The following KNL1 variants were observed in gnomAD, a reference collection of about 807,000 sequenced individuals.
KNL1 encodes outer kinetochore KNL1 complex subunit KNL1.
A neutral mutation model predicts 201.3 loss-of-function variants in KNL1; 66 were observed. The ratio of observed to expected loss-of-function variants is 0.33; its 90% confidence interval spans 0.27 to 0.40. KNL1 has a LOEUF of 0.40. KNL1 is among the 10% of genes least tolerant of loss of function. KNL1 has a pLI of 1.00. For missense variants in KNL1, 2,815 were observed against 2,690.5 expected, an observed-to-expected ratio of 1.05 and a Z score of -1.02; for synonymous variants, 895 against 899.2, an observed-to-expected ratio of 1.00 and a Z score of 0.08.
Position 40,634,457 on chromosome 15 carries a change from A to G in KNL1, c.5682+5086A>G, listed in dbSNP as rs1892999799. 3.3e-5 allele frequency among the ~76,000 whole-genome samples: 5 copies of G among 152,306 alleles called. No individual in the cohort carries two copies. The South Asian group carries it at 1.0e-3, about 32-fold the overall frequency. ...TTGTATACTTAAATGGATGGATTGC[A>G]TTGTGTGTGGATTATATCTCCATAA... On this transcript the variant is annotated intron_variant, in intron 13 of 25. Coordinates refer to ENST00000399668, the MANE Select transcript of KNL1 (RefSeq NM_144508.5).
rs867948942 is a variant in KNL1, at chr15:40,657,047, C to G, written c.6490C>G (p.Gln2164Glu). The part of the protein sequence containing the change: ...VNFQSLLDED[Q>E]APPSSLLVHK... ...TTTTTTTTTTCCTTCCCCAGAGGAT[C>G]AAGCTCCTCCTTCCTCCCTTTTAGT... Residue 2164 changes from glutamine (Q) to glutamate (E), a missense_variant, in exon 23 of 26, where the codon CAA becomes GAA. This residue lies in a region of KNL1 where 334 missense variants were observed against 362.6 expected (regional missense o/e 0.92). Transcript: ENST00000399668. 6.5e-7 allele frequency: 1 copy of G among 1,538,412 alleles called. No homozygotes were observed. Among genetic ancestry groups the G allele is most frequent in the Non-Finnish European group, 8.8e-7 (1 of 1,138,076 alleles).
chr15:40,636,338 T>A (rs1893056035), intron 13 of KNL1, among the ~76,000 whole-genome samples: 1 of 152,256 alleles, frequency 6.6e-6, no homozygotes, highest in South Asian at 2.1e-4. Context: ...TTGCTGTGCA[T>A]GAGCCTAATA....
rs1893945566 is a variant in KNL1, at chr15:40,662,725, CA to C, written c.*541del. ...CTGTAATACCAGCAGTTTGGGAGGC[CA>C]AAATGGGTGAATAGCCTGAGTCCAG... On this transcript the variant is annotated 3_prime_UTR_variant, in exon 26 of 26. Coordinates refer to ENST00000399668, the MANE Select transcript of KNL1 (RefSeq NM_144508.5). 1.7e-5 allele frequency: 3 copies of C among 180,672 alleles called. No homozygotes were observed. The highest frequency in any genetic ancestry group is 2.4e-5 in the African/African-American group (1 of 42,346). The allele number at this position is 180,672 out of a possible 1,614,324, so 11.2% of individuals were successfully genotyped here.
chr15:40,626,068 T>A (rs965269550), intron 10 of KNL1: 1 of 153,670 alleles, frequency 6.5e-6, no homozygotes, highest in Non-Finnish European at 1.4e-5. Context: ...GCCAACTGCA[T>A]GAAGTAAAGC....
intron 2 of KNL1, among the ~76,000 whole-genome samples, chr15:40,603,596 C>A (rs1032459390): frequency 6.6e-6 from 1 of 152,216 alleles, no homozygotes; most frequent in Admixed American, 6.5e-5. Flanking sequence ...CCCGCCCCCC[C>A]ATCTCTACAA....
chr15:40,629,171 A>T, intron 12 of KNL1, 102 bp from the exon 13 acceptor site: 1 of 594,094 alleles, frequency 1.7e-6, no homozygotes, highest in Non-Finnish European at 2.9e-6. Context: ...ATATTTCCAT[A>T]AATGTATACA....
At chr15:40,652,236 G>T in intron 21 of KNL1, 131 bp downstream of exon 21, 1 of 462,588 alleles carries the variant, frequency 2.2e-6, no homozygotes, top group Non-Finnish European at 3.8e-6. Flanking sequence ...TCTTAGAACA[G>T]TCACTTTATT....
intron 13 of KNL1, among the ~76,000 whole-genome samples, chr15:40,631,415 A>G (rs571165178): frequency 6.6e-6 from 1 of 152,276 alleles, no homozygotes; most frequent in South Asian, 2.1e-4. Context: ...AGCTATACTT[A>G]GCAGGAATTA....
intron 1 of KNL1, among the ~76,000 whole-genome samples, chr15:40,601,443 A>G (rs981167829): frequency 3.3e-5 from 5 of 152,206 alleles, no homozygotes; most frequent in African/African-American, 7.2e-5. Context: ...TATTTGAACC[A>G]GTAAAGTCCC....
At chr15:40,653,319 G>T (rs1305705529) in intron 21 of KNL1, among the ~76,000 whole-genome samples, 1 of 152,042 alleles carries the variant, frequency 6.6e-6, no homozygotes, top group Non-Finnish European at 1.5e-5. Context: ...CTTCCAAGTA[G>T]CTGGGATTAC....
At chr15:40,651,616 C>A (rs1567021307) in intron 20 of KNL1, 44 bp downstream of exon 20, 2 of 1,389,570 alleles carry the variant, frequency 1.4e-6, no homozygotes, top group Admixed American at 2.1e-5. Context: ...TATTCTGTAC[C>A]TTGTGGTTGT....
At chr15:40,635,416 A>G (rs1276721935) in intron 13 of KNL1, among the ~76,000 whole-genome samples, 4 of 151,070 alleles carry the variant, frequency 2.6e-5, no homozygotes, top group African/African-American at 4.9e-5. Flanking sequence ...GTGCGGTGGC[A>G]TGATCTCAGC....
chr15:40,653,616 G>A (rs1893636483), intron 21 of KNL1, among the ~76,000 whole-genome samples: 4 of 152,136 alleles, frequency 2.6e-5, no homozygotes. Context: ...CCTCCTCCCT[G>A]AAGCTATAGT....
At position 40,628,001 on chromosome 15, in the gene KNL1, TGTTA is replaced by T. The variant is rs1418329039; in HGVS notation, c.5377-66_5377-63del. ...AATTGTATGTTAGAAGTAGTATTTC[TGTTA>T]GTGTTTGTCGTAAGTATACAGTGTA... is the stretch of plus-strand genomic sequence containing the variant. On this transcript the variant is annotated intron_variant, in intron 10 of 25. Transcript: ENST00000399668. 2.7e-4 allele frequency: 267 copies of T among 1,002,634 alleles called. 1 individual carries two copies. The highest frequency in any genetic ancestry group is 3.4e-4 in the Middle Eastern group (1 of 2,966). The allele number at this position is 1,002,634 out of a possible 1,614,324, so 62.1% of individuals were successfully genotyped here.
At chr15:40,645,187 TTTAAC>T in intron 15 of KNL1, 100 bp downstream of exon 15, 1 of 729,538 alleles carries the variant, frequency 1.4e-6, no homozygotes, top group Non-Finnish European at 2.3e-6. Flanking sequence ...TGATGAGTTA[TTTAAC>T]TTATTTTTTA....
chr15:40,596,408 C>A (rs1269748943), intron 1 of KNL1, among the ~76,000 whole-genome samples: 1 of 152,104 alleles, frequency 6.6e-6, no homozygotes, highest in Non-Finnish European at 1.5e-5. Flanking sequence ...TCCGCAGTAA[C>A]TGGGATTATA....
chr15:40,608,471 A>G (rs886412051), intron 4 of KNL1, among the ~76,000 whole-genome samples: 25 of 149,378 alleles, frequency 1.7e-4, no homozygotes, highest in African/African-American at 5.2e-4. Context: ...GTCTGGGTGC[A>G]GGGGCCCATG....
At chr15:40,599,825 G>A (rs988143579) in intron 1 of KNL1, among the ~76,000 whole-genome samples, 1 of 139,540 alleles carries the variant, frequency 7.2e-6, no homozygotes, top group African/African-American at 2.7e-5. Flanking sequence ...AAAGAGACGG[G>A]GTCTCCCTAT....
At position 40,659,412 on chromosome 15, in the gene KNL1, C is replaced by T; in HGVS notation, c.6787C>T (p.Pro2263Ser). 6.2e-7 allele frequency: 1 copy of T among 1,613,602 alleles called. No individual in the cohort carries two copies. Among genetic ancestry groups the T allele is most frequent in the Non-Finnish European group, 8.5e-7 (1 of 1,179,516 alleles). The change falls in exon 25 of 26, where the codon CCA becomes TCA. Residue 2263 changes from proline (P) to serine (S), a missense_variant. This residue lies in a region of KNL1 where 334 missense variants were observed against 362.6 expected (regional missense o/e 0.92). Coordinates refer to ENST00000399668, the MANE Select transcript of KNL1 (RefSeq NM_144508.5). ...AACTTTGTTTCTCTCAGCCTATTAT[C>T]CATCTGTACCATTACCTTCCACCAT... ...EITLFLSAYY[P>S]SVPLPSTIQN...
Sources: allele counts gnomAD v4.1 joint callset (sites outside exome capture counted in the v4.1 genomes callset), GRCh38; gene constraint gnomAD v4.1.1; regional missense constraint gnomAD v4.1.1; transcripts MANE v1.5; gene names NCBI Gene and HGNC (gene_info 2026-07-23, HGNC 2026-07-21).